Variants in ZNF197 observed in about 807,000 individuals in gnomAD.
The protein encoded by ZNF197 is VHL-associated KRAB-A domain-containing protein.
ZNF197 carries 14 observed loss-of-function variants against 27.4 expected under a neutral mutation model. The observed-to-expected ratio is 0.51, with a 90% CI of 0.34 to 0.80. The LOEUF (loss-of-function observed/expected upper bound fraction) is 0.80, where lower values mean the gene tolerates loss of function less well. Ranked by LOEUF, ZNF197 falls within the 30% of genes least tolerant of loss-of-function variation. ZNF197 has a pLI of 0.02. For synonymous variants in ZNF197, 415 were observed against 420.0 expected, an observed-to-expected ratio of 0.99 and a Z score of 0.15; for missense variants, 1,090 against 1,222.6, an observed-to-expected ratio of 0.89 and a Z score of 1.62.
At chr3:44,632,676 A>G (rs1046403712) in intron 5 of ZNF197, 77 bp downstream of exon 5, 2 of 1,359,102 alleles carry the variant, frequency 1.5e-6, no homozygotes, top group Non-Finnish European at 1.9e-6. Flanking sequence ...AAAGTAGCAT[A>G]TATGTATTTT....
chr3:44,646,682 C>CT lies in ZNF197; in HGVS notation c.*2466dup, dbSNP rs1431207651. 8 of 574,106 alleles carry CT rather than the reference C, an allele frequency of 1.4e-5. No homozygotes were observed. The highest frequency in any genetic ancestry group is 2.2e-5 in the Non-Finnish European group (7 of 319,830). 35.6% of individuals were successfully genotyped at this position (574,106 alleles called of 1,614,324 possible). ...TGTGAGTTTATTATACCATTCTCTG[C>CT]TTTTGTGTATGTATGAAAATTTCGA... is the stretch of plus-strand genomic sequence containing the variant. On this transcript the variant is annotated 3_prime_UTR_variant, in exon 6 of 6. Coordinates refer to ENST00000344387, the MANE Select transcript of ZNF197 (RefSeq NM_006991.5).
chr3:44,630,922 G>C, intron 2 of ZNF197, 140 bp from the exon 3 acceptor site: 1 of 1,150,074 alleles, frequency 8.7e-7, no homozygotes, highest in Non-Finnish European at 1.3e-6. Context: ...AAGCTTTACT[G>C]CTGTTTTGAT....
chr3:44,639,985 A>C (rs761944890), intron 5 of ZNF197, among the ~76,000 whole-genome samples: 31 of 152,200 alleles, frequency 2.0e-4, no homozygotes, highest in Non-Finnish European at 3.2e-4. Context: ...GACAGGATCA[A>C]ATTTACCTAT....
intron 5 of ZNF197, among the ~76,000 whole-genome samples, chr3:44,639,008 C>T (rs1033140023): frequency 1.3e-5 from 2 of 152,242 alleles, no homozygotes; most frequent in African/African-American, 4.8e-5. Context: ...GCCACTGTGC[C>T]TGGCCAGAAA....
Position 44,642,925 on chromosome 3 carries a change from T to A in ZNF197, c.1795T>A (p.Cys599Ser). ...TEKKTFGCKK[C>S]GKIFSSKSNF... ...AAAGAAAACCTTTGGTTGTAAAAAGTGTGGGAAGATTTTCAGTTCTAAGTC... is the reference window on the plus strand; with the variant it reads ...AAAGAAAACCTTTGGTTGTAAAAAGAGTGGGAAGATTTTCAGTTCTAAGTC... Residue 599 changes from cysteine (C) to serine (S), a missense_variant, in exon 6 of 6, where the codon TGT becomes AGT. Transcript: ENST00000344387. 1 of 1,613,986 alleles carries A rather than the reference T, an allele frequency of 6.2e-7. No homozygotes were observed. The highest frequency in any genetic ancestry group is 8.5e-7 in the Non-Finnish European group (1 of 1,179,990).
In ZNF197 at chr3:44,644,743, G is replaced by T; in HGVS notation, c.*523G>T. 1.0e-6 allele frequency: 1 copy of T among 985,764 alleles called. No individual in the cohort carries two copies. Among genetic ancestry groups the T allele is most frequent in the Non-Finnish European group, 1.2e-6 (1 of 830,234 alleles). The allele number at this position is 985,764 out of a possible 1,614,324, so 61.1% of individuals were successfully genotyped here. ...AACAATAAAAAGTAGACATGGGCTG[G>T]GTGCAGTGGCTCACTCCTGTAGTCC... On this transcript the variant is annotated 3_prime_UTR_variant, in exon 6 of 6. Transcript: ENST00000344387.
intron 1 of ZNF197, among the ~76,000 whole-genome samples, chr3:44,626,901 T>C (rs931453467): frequency 6.6e-6 from 1 of 152,200 alleles, no homozygotes; most frequent in East Asian, 1.9e-4. Context: ...ATATTGTTGG[T>C]AATAAGAAAT....
rs571665722 is a variant in ZNF197, at chr3:44,643,163, A to G, written c.2033A>G (p.Tyr678Cys). ...AGGTTCCACACTGGAGAGAATCTCT[A>G]TGAATGTAAAGATTGTGGTAAGGTC... is the stretch of plus-strand genomic sequence containing the variant. ...HQRFHTGENL[Y>C]ECKDCGKVFG... Residue 678 changes from tyrosine to cysteine, a missense_variant, in exon 6 of 6, where the codon TAT (tyrosine) becomes TGT (cysteine). Transcript: ENST00000344387. The G allele has an allele frequency of 6.2e-6, 10 of 1,612,620 alleles. No homozygotes were observed. The highest frequency in any genetic ancestry group is 4.5e-5 in the East Asian group (2 of 44,870).
intron 5 of ZNF197, among the ~76,000 whole-genome samples, chr3:44,633,063 T>C (rs1173489252): frequency 2.6e-5 from 4 of 152,218 alleles, no homozygotes; most frequent in Non-Finnish European, 4.4e-5. Flanking sequence ...TTGAATGGCT[T>C]TGAGGCTCTT....
chr3:44,644,340 A>G lies in ZNF197; in HGVS notation c.*120A>G. 1.4e-6 allele frequency: 2 copies of G among 1,430,404 alleles called. No individual in the cohort carries two copies. Among genetic ancestry groups the G allele is most frequent in the Non-Finnish European group, 1.8e-6 (2 of 1,098,982 alleles). The allele number at this position is 1,430,404 out of a possible 1,614,324, so 88.6% of individuals were successfully genotyped here. A position where few individuals can be genotyped will look rare whatever the true frequency, so the allele number is the denominator to read the frequency against. ...TCTTTACTAGACAAATGAGTAGCATATAGAAGAAAGTTAATAGGCCGGGCT... is the reference window on the plus strand; with the variant it reads ...TCTTTACTAGACAAATGAGTAGCATGTAGAAGAAAGTTAATAGGCCGGGCT... On this transcript the variant is annotated 3_prime_UTR_variant, in exon 6 of 6. Transcript: ENST00000344387.
At chr3:44,631,823 C>T (rs529383876) in intron 3 of ZNF197, among the ~76,000 whole-genome samples, 1 of 152,220 alleles carries the variant, frequency 6.6e-6, no homozygotes, top group South Asian at 2.1e-4. Context: ...GCCTCAGCCT[C>T]CCGAGTACCT....
At chr3:44,631,278 C>A (rs1701976677) in intron 3 of ZNF197, 57 bp downstream of exon 3, 3 of 1,598,278 alleles carry the variant, frequency 1.9e-6, no homozygotes, top group Admixed American at 1.7e-5. Context: ...TGTGGCTCAT[C>A]CCCCTACTTC....
chr3:44,626,722 C>G (rs1030065903), intron 1 of ZNF197, among the ~76,000 whole-genome samples: 2 of 152,182 alleles, frequency 1.3e-5, no homozygotes, highest in Non-Finnish European at 2.9e-5. Context: ...ACAGCTGTTT[C>G]TGATGGGAGT....
intron 4 of ZNF197, 98 bp from the exon 5 acceptor site, chr3:44,632,375 C>T (rs1385912051): frequency 1.3e-6 from 2 of 1,518,116 alleles, no homozygotes; most frequent in Non-Finnish European, 1.8e-6. Flanking sequence ...GTTATGCACT[C>T]ATGGCCTCAC....
At position 44,643,580 on chromosome 3, in the gene ZNF197, C is replaced by T. The variant is rs1365580284; in HGVS notation, c.2450C>T (p.Ser817Phe). Residue 817 changes from serine to phenylalanine, a missense_variant, in exon 6 of 6, where the codon TCT becomes TTT. By Grantham distance (155) the Ser-to-Phe change is radical (BLOSUM62 -2). Transcript: ENST00000344387. ...GHQRIHTREK[S>F]YKCNDCGKVF... ...CAGAGAATTCACACGAGGGAAAAAT[C>T]TTATAAATGCAATGACTGTGGGAAG... 1.1e-5 allele frequency: 18 copies of T among 1,614,174 alleles called. No homozygotes were observed. The highest frequency in any genetic ancestry group is 1.4e-5 in the Non-Finnish European group (17 of 1,180,028).
chr3:44,642,601 TTC>T lies in ZNF197; in HGVS notation c.1476_1477del (p.Gln493GlufsTer6). The T allele has an allele frequency of 6.2e-7, 1 of 1,613,998 alleles. No homozygotes were observed. Among genetic ancestry groups the T allele is most frequent in the Non-Finnish European group, 8.5e-7 (1 of 1,179,912 alleles). Reference sequence around the variant, plus strand: ...TAAGTGTAATGAATGTGGGAAAGTCTTCTCTCAGAATGCTTACCTCATTGACC... The same window carrying T: ...TAAGTGTAATGAATGTGGGAAAGTCTTCTCAGAATGCTTACCTCATTGACC... Reference protein sequence around the residue: ...PYKCNECGKVFSQNAYLIDHQ... With the variant: ...PYKCNECGKVXSQNAYLIDHQ... On this transcript the variant is annotated frameshift_variant, in exon 6 of 6. Transcript: ENST00000344387. LOFTEE classifies it low-confidence loss of function (END_TRUNC).
intron 1 of ZNF197, among the ~76,000 whole-genome samples, chr3:44,626,987 C>T (rs1054263554): frequency 2.0e-5 from 3 of 151,884 alleles, no homozygotes; most frequent in East Asian, 1.9e-4. Flanking sequence ...CATAAAAATG[C>T]GGAGAGGGGC....
At position 44,628,881 on chromosome 3, in the gene ZNF197, G is replaced by A. The variant is rs181074083; in HGVS notation, c.-81-193G>A. The A allele has an allele frequency of 4.9e-4, 140 of 283,924 alleles. 2 individuals carry two copies. The highest frequency in any genetic ancestry group is 3.0e-3 in the African/African-American group (134 of 45,310). 17.6% of individuals were successfully genotyped at this position (283,924 alleles called of 1,614,324 possible). A position where few individuals can be genotyped will look rare whatever the true frequency, so the allele number is the denominator to read the frequency against. ...GTGTTTGGTTTCAGCAGTCTCGTGC[G>A]TAACATGAGTGTTTGTATCCCAGAG... On this transcript the variant is annotated intron_variant, in intron 1 of 5. Coordinates refer to ENST00000344387, the MANE Select transcript of ZNF197 (RefSeq NM_006991.5).
chr3:44,632,041 C>G (rs1450897878), intron 3 of ZNF197, 64 bp from the exon 4 acceptor site: 4 of 1,420,070 alleles, frequency 2.8e-6, no homozygotes, highest in Middle Eastern at 1.8e-4. Flanking sequence ...TATTCCAGCT[C>G]TGCAAGTGGG....
Sources: gnomAD v4.1 joint callset for allele counts (sites outside exome capture counted in the v4.1 genomes callset) on GRCh38, gnomAD v4.1.1 for gene constraint, MANE v1.5 for transcripts, NCBI Gene and HGNC (gene_info 2026-07-23, HGNC 2026-07-21) for gene names.